The following CEACAM18 variants were observed in gnomAD, a reference collection of about 807,000 sequenced individuals.
The protein encoded by CEACAM18 is CEA cell adhesion molecule 18.
A neutral mutation model predicts 34.3 loss-of-function variants in CEACAM18; 33 were observed. The ratio of observed to expected loss-of-function variants is 0.96; its 90% CI spans 0.73 to 1.29. CEACAM18 has a LOEUF of 1.29. Among genes scored for constraint, CEACAM18 ranks in the 50% most tolerant of loss-of-function variants. The pLI is 0.00. For missense variants in CEACAM18, 474 were observed against 485.0 expected (o/e 0.98, Z 0.21); for synonymous variants, 169 against 180.9 (o/e 0.93, Z 0.53).
In CEACAM18 at chr19:51,480,318, C is replaced by G; in HGVS notation, c.53-15C>G. On this transcript the variant is annotated splice_polypyrimidine_tract_variant and intron_variant, in intron 1 of 5. Transcript: ENST00000396477. ...TTGTGAATTTCTCTCTGTCTTTTTTCCTTGTCTTCTTCAGCCAGTCTGCTG... is the reference window on the plus strand; with the variant it reads ...TTGTGAATTTCTCTCTGTCTTTTTTGCTTGTCTTCTTCAGCCAGTCTGCTG... 6.4e-7 allele frequency: 1 copy of G among 1,565,804 alleles called. No homozygotes were observed. The highest frequency in any genetic ancestry group is 8.7e-7 in the Non-Finnish European group (1 of 1,150,568).
At chr19:51,479,523 T>A (rs1191938401) in intron 1 of CEACAM18, among the ~76,000 whole-genome samples, 1 of 152,116 alleles carries the variant, frequency 6.6e-6, no homozygotes, top group Non-Finnish European at 1.5e-5. Context: ...GAGCCCACAG[T>A]CCAGGGCGAG....
At chr19:51,490,687 T>C (rs1019716618) in exon 6 of CEACAM18, 1 of 1,161,206 alleles carries the variant, frequency 8.6e-7, no homozygotes, top group East Asian at 3.2e-5. Flanking sequence ...GGGGTCCCCA[T>C]AGGGCCAGCG....
At chr19:51,485,185 C>A (rs553228310) in intron 5 of CEACAM18, 63 bp downstream of exon 5, 50 of 1,427,348 alleles carry the variant, frequency 3.5e-5, no homozygotes, top group Non-Finnish European at 4.5e-5. Context: ...CAGGAGCCAG[C>A]CCTCCCTCCA....
chr19:51,487,400 G>C (rs972555321), intron 5 of CEACAM18, among the ~76,000 whole-genome samples: 1 of 152,122 alleles, frequency 6.6e-6, no homozygotes, highest in African/African-American at 2.4e-5. Context: ...TCTTGAGCCC[G>C]AGAGGCAGAG....
At chr19:51,480,662 G>A (rs1989899005) in exon 2 of CEACAM18, 2 of 1,612,632 alleles carry the variant, frequency 1.2e-6, no homozygotes, top group African/African-American at 1.3e-5. Flanking sequence ...AAGAGCAACC[G>A]GCTGGCTGGA....
At chr19:51,488,543 C>T (rs1407171126) in intron 5 of CEACAM18, among the ~76,000 whole-genome samples, 1 of 152,190 alleles carries the variant, frequency 6.6e-6, no homozygotes, top group Non-Finnish European at 1.5e-5. Context: ...CAAGACCTCG[C>T]CTGGGAGGTC....
intron 5 of CEACAM18, among the ~76,000 whole-genome samples, chr19:51,487,239 C>T (rs1387650145): frequency 6.6e-6 from 1 of 152,106 alleles, no homozygotes; most frequent in Non-Finnish European, 1.5e-5. Context: ...TTTTGGGAGG[C>T]TGAGGCAAGC....
chr19:51,484,357 A>T (rs2122187426), intron 4 of CEACAM18, among the ~76,000 whole-genome samples: 1 of 150,108 alleles, frequency 6.7e-6, no homozygotes, highest in East Asian at 2.0e-4. Context: ...TCTGTTGCCC[A>T]GGCTGGATGC....
chr19:51,491,180 T>A (rs552228598), downstream of CEACAM18, among the ~76,000 whole-genome samples: 1 of 151,880 alleles, frequency 6.6e-6, no homozygotes, highest in Admixed American at 6.6e-5. Flanking sequence ...ATCGTCAGCA[T>A]GATTAGCACA....
exon 3 of CEACAM18, chr19:51,481,422 A>G (rs1212283305): frequency 1.9e-6 from 3 of 1,613,942 alleles, no homozygotes; most frequent in Non-Finnish European, 2.5e-6. Context: ...CATCTCCGTC[A>G]ATGCCAGCTC....
At chr19:51,486,806 C>G (rs1293047573) in intron 5 of CEACAM18, among the ~76,000 whole-genome samples, 1 of 151,130 alleles carries the variant, frequency 6.6e-6, no homozygotes, top group Non-Finnish European at 1.5e-5. Flanking sequence ...CAAGCTCCGC[C>G]TCCCAGGTTC....
downstream of CEACAM18, among the ~76,000 whole-genome samples, chr19:51,491,159 A>G (rs1481755529): frequency 6.6e-6 from 1 of 151,910 alleles, no homozygotes; most frequent in Non-Finnish European, 1.5e-5. Flanking sequence ...ACCTGGATGC[A>G]CCGTGGAACC....
chr19:51,490,704 A>C, exon 6 of CEACAM18: 1 of 1,040,074 alleles, frequency 9.6e-7, no homozygotes, highest in Non-Finnish European at 1.2e-6. Flanking sequence ...AGCGAGGCTG[A>C]AAAGGGTCCA....
intron 5 of CEACAM18, 42 bp downstream of exon 5, chr19:51,485,164 G>A: frequency 6.9e-7 from 1 of 1,457,784 alleles, no homozygotes; most frequent in African/African-American, 1.4e-5. Context: ...TGTTGGCTGG[G>A]GGCTGGGACT....
At chr19:51,490,464 T>G in intron 5 of CEACAM18, 123 bp from the exon 6 acceptor site, 2 of 711,786 alleles carry the variant, frequency 2.8e-6, no homozygotes, top group Non-Finnish European at 3.9e-6. Context: ...TTGGGTCCCA[T>G]GTGAGGAAGA....
At chr19:51,480,478 C>A in exon 2 of CEACAM18, 1 of 1,613,822 alleles carries the variant, frequency 6.2e-7, no homozygotes, top group African/African-American at 1.3e-5. Flanking sequence ...GGGGTGCAAA[C>A]GACAGCGCAG....
At chr19:51,481,937 G>A (rs1391656052) in intron 3 of CEACAM18, among the ~76,000 whole-genome samples, 1 of 152,144 alleles carries the variant, frequency 6.6e-6, no homozygotes, top group Non-Finnish European at 1.5e-5. Flanking sequence ...CTTTGTTGAG[G>A]TCTGCTTTTG....
At chr19:51,482,908 G>T (rs1007523789) in intron 3 of CEACAM18, 109 bp from the exon 4 acceptor site, 1 of 1,339,696 alleles carries the variant, frequency 7.5e-7, no homozygotes, top group East Asian at 2.3e-5. Flanking sequence ...AGGTCTAGGG[G>T]TTAGCCCGAG....
chr19:51,478,571 G>A, upstream of CEACAM18: 1 of 1,376,984 alleles, frequency 7.3e-7, no homozygotes, highest in Non-Finnish European at 1.0e-6. Context: ...GGAGACACAG[G>A]TCTTGGAGGG....
Sources: gnomAD v4.1 joint callset for allele counts (sites outside exome capture counted in the v4.1 genomes callset) on GRCh38, gnomAD v4.1.1 for gene constraint, MANE v1.5 for transcripts, NCBI Gene and HGNC (gene_info 2026-07-23, HGNC 2026-07-21) for gene names.